UGT1A4: variants seen among roughly 807,000 people sequenced by gnomAD.
The protein encoded by UGT1A4 is UDP-glucuronosyltransferase 1A4.
UGT1A4 carries 32 observed loss-of-function variants against 41.1 expected under a neutral mutation model. The observed-to-expected ratio is 0.78, with a 90% CI of 0.59 to 1.05. The LOEUF is 1.05. Among genes scored for constraint, UGT1A4 ranks in the 50% least tolerant of loss-of-function variants. The pLI is 0.00. For synonymous variants in UGT1A4, 283 were observed against 265.1 expected (o/e 1.07, Z -0.66); for missense variants, 748 against 677.4 (o/e 1.10, Z -1.16).
chr2:233,718,970 G>A lies in UGT1A4; in HGVS notation c.150G>A (p.Glu50=), dbSNP rs45510694. The A allele has an allele frequency of 1.9e-6, 3 of 1,614,194 alleles. No individual in the cohort carries two copies. The highest frequency in any genetic ancestry group is 1.3e-5 in the African/African-American group (1 of 75,052). ...TCAGCATGCGGGAGGCCTTGCGGGAGCTCCATGCCAGAGGCCACCAGGCGG... is the reference window on the plus strand; with the variant it reads ...TCAGCATGCGGGAGGCCTTGCGGGAACTCCATGCCAGAGGCCACCAGGCGG... ...PWLSMREALR[E]LHARGHQAVV... is the part of the protein sequence containing the mutation. The change falls in exon 1 of 5, where the codon GAG becomes GAA. Residue 50 remains glutamate, a synonymous_variant. Transcript: ENST00000373409.
At chr2:233,745,976 A>AC in intron 1 of UGT1A4, among the ~76,000 whole-genome samples, 1 of 151,654 alleles carries the variant, frequency 6.6e-6, no homozygotes, top group Middle Eastern at 3.2e-3. Flanking sequence ...CTGAAATGGG[A>AC]CCATGACAGC....
intron 1 of UGT1A4, among the ~76,000 whole-genome samples, chr2:233,724,415 C>G (rs1413397133): frequency 7.9e-6 from 1 of 126,926 alleles, no homozygotes; most frequent in East Asian, 2.6e-4. Context: ...GGGTGGCTGC[C>G]GGGCGGAGAG....
intron 1 of UGT1A4, among the ~76,000 whole-genome samples, chr2:233,733,852 A>G (rs1004381201): frequency 1.3e-5 from 2 of 151,136 alleles, no homozygotes; most frequent in African/African-American, 2.4e-5. Flanking sequence ...CTCTTTTTCT[A>G]TTGATTGGAA....
intron 1 of UGT1A4, chr2:233,755,075 A>C (rs1312444555): frequency 7.5e-7 from 1 of 1,336,312 alleles, no homozygotes; most frequent in East Asian, 4.6e-5. Context: ...CATAGCGGTC[A>C]TAGATATCGC....
In UGT1A4 at chr2:233,725,322, G is replaced by C. The variant is rs1180235241; in HGVS notation, c.867+5635G>C. Among the ~76,000 whole-genome samples the C allele has an allele frequency of 1.9e-5, 2 of 103,758 alleles. 1 individual carries two copies. Among genetic ancestry groups the C allele is most frequent in the Non-Finnish European group, 4.1e-5 (2 of 49,016 alleles). 68.1% of individuals were successfully genotyped at this position (103,758 alleles called of 152,430 possible). On this transcript the variant is annotated intron_variant, in intron 1 of 4. Transcript: ENST00000373409. Reference sequence around the variant, plus strand: ...GGCAGAGGCAGAGGCAGAGGCGCCTGGTCAACAATCTTAAGTCCAATAAGA... The same window carrying C: ...GGCAGAGGCAGAGGCAGAGGCGCCTCGTCAACAATCTTAAGTCCAATAAGA...
intron 4 of UGT1A4, 146 bp from the exon 5 acceptor site, chr2:233,772,116 A>C (rs1430946734): frequency 1.3e-6 from 2 of 1,531,304 alleles, no homozygotes; most frequent in Non-Finnish European, 1.8e-6. Flanking sequence ...CTGTATCTAA[A>C]AACAACAACA....
intron 1 of UGT1A4, among the ~76,000 whole-genome samples, chr2:233,751,179 A>G (rs1253259700): frequency 9.9e-5 from 15 of 151,976 alleles, no homozygotes; most frequent in African/African-American, 3.6e-4. Flanking sequence ...GATATGAGAC[A>G]TGAAGTTAAA....
chr2:233,739,588 C>T (rs1487878859), intron 1 of UGT1A4, among the ~76,000 whole-genome samples: 1 of 152,180 alleles, frequency 6.6e-6, no homozygotes, highest in Non-Finnish European at 1.5e-5. Context: ...TTGCATGGGG[C>T]CTATAGCCCC....
At chr2:233,757,303 G>A (rs1346705101) in intron 1 of UGT1A4, among the ~76,000 whole-genome samples, 3 of 111,204 alleles carry the variant, frequency 2.7e-5, no homozygotes, top group African/African-American at 6.7e-5. Flanking sequence ...GGGGTTGGGG[G>A]ACAGGGGGGC....
At position 233,719,336 on chromosome 2, in the gene UGT1A4, T is replaced by C. The variant is rs765059694; in HGVS notation, c.516T>C (p.Phe172=). The C allele has an allele frequency of 5.0e-6, 8 of 1,613,838 alleles. No individual in the cohort carries two copies. Among genetic ancestry groups the C allele is most frequent in the South Asian group, 2.2e-5 (2 of 91,068 alleles). The part of the protein sequence containing the change: ...AKYLSIPAVF[F]WRYIPCDLDF... ...ACCTGTCGATTCCTGCTGTGTTTTT[T>C]TGGAGGTACATTCCATGTGACTTAG... The change falls in exon 1 of 5, where the codon TTT becomes TTC. Residue 172 remains phenylalanine (F), a synonymous_variant. Coordinates refer to ENST00000373409, the MANE Select transcript of UGT1A4 (RefSeq NM_007120.3).
chr2:233,762,058 G>A (rs1697953737), intron 1 of UGT1A4, among the ~76,000 whole-genome samples: 2 of 151,982 alleles, frequency 1.3e-5, no homozygotes, highest in Non-Finnish European at 2.9e-5. Context: ...TTCCTTCATA[G>A]CACATCAAAT....
chr2:233,733,678 C>G (rs2078428487), intron 1 of UGT1A4, among the ~76,000 whole-genome samples: 1 of 152,188 alleles, frequency 6.6e-6, no homozygotes, highest in Non-Finnish European at 1.5e-5. Flanking sequence ...TGTGGATAAA[C>G]TTTTTGATGT....
chr2:233,757,535 A>AATATATAT lies in UGT1A4; in HGVS notation c.868-9480_868-9473dup, dbSNP rs67292694. On this transcript the variant is annotated intron_variant, in intron 1 of 4. Transcript: ENST00000373409. ...CAAAGCCAAAATCTTGCCTGTAAGG[A>AATATATAT]ATATATATATATATATATATATATA... Among the ~76,000 whole-genome samples the AATATATAT allele has an allele frequency of 9.1e-3, 800 of 88,270 alleles. 30 individuals are homozygous for AATATATAT. Among genetic ancestry groups the AATATATAT allele is most frequent in the African/African-American group, 0.032 (642 of 19,900 alleles). The allele number at this position is 88,270 out of a possible 152,430, so 57.9% of individuals were successfully genotyped here.
intron 1 of UGT1A4, among the ~76,000 whole-genome samples, chr2:233,732,611 G>A (rs570664429): frequency 1.3e-5 from 2 of 152,306 alleles, no homozygotes; most frequent in East Asian, 3.9e-4. Flanking sequence ...AGATCAAATG[G>A]TTGTAGATGT....
At chr2:233,760,125 C>T in intron 1 of UGT1A4, 1 of 1,316,530 alleles carries the variant, frequency 7.6e-7, no homozygotes, top group Admixed American at 2.6e-5. Context: ...TAAAGCTCCA[C>T]CTTCTTTATC....
Position 233,772,846 on chromosome 2 carries a change from T to G in UGT1A4, c.*287T>G. On this transcript the variant is annotated 3_prime_UTR_variant, in exon 5 of 5. Transcript: ENST00000373409. Reference sequence around the variant, plus strand: ...AGGCTGGCATTCTAGATTACTTTTCTTACTCTGAAACATGGCCTGTTTGGG... The same window carrying G: ...AGGCTGGCATTCTAGATTACTTTTCGTACTCTGAAACATGGCCTGTTTGGG... 1 of 808,400 alleles carries G rather than the reference T, an allele frequency of 1.2e-6. No homozygotes were observed. Among genetic ancestry groups the G allele is most frequent in the Non-Finnish European group, 1.8e-6 (1 of 570,574 alleles). The allele number at this position is 808,400 out of a possible 1,614,324, so 50.1% of individuals were successfully genotyped here.
At chr2:233,734,025 G>A (rs2078469594) in intron 1 of UGT1A4, among the ~76,000 whole-genome samples, 1 of 152,102 alleles carries the variant, frequency 6.6e-6, no homozygotes, top group East Asian at 1.9e-4. Context: ...GTTAATGGGT[G>A]CAGCACACCA....
intron 1 of UGT1A4, among the ~76,000 whole-genome samples, chr2:233,732,141 T>C (rs532123817): frequency 6.6e-6 from 1 of 151,874 alleles, no homozygotes; most frequent in South Asian, 2.1e-4. Context: ...TGTTTGTTTG[T>C]TTTTTTTCTT....
chr2:233,762,605 G>T (rs1247129136), intron 1 of UGT1A4, among the ~76,000 whole-genome samples: 1 of 152,120 alleles, frequency 6.6e-6, no homozygotes, highest in Non-Finnish European at 1.5e-5. Flanking sequence ...TATTCCAGGA[G>T]TTTTGTTGTT....
Sources: gnomAD v4.1 joint callset for allele counts (sites outside exome capture counted in the v4.1 genomes callset) on GRCh38, gnomAD v4.1.1 for gene constraint, MANE v1.5 for transcripts, NCBI Gene and HGNC (gene_info 2026-07-23, HGNC 2026-07-21) for gene names.